The following SLC12A4 variants were observed in gnomAD, a reference collection of about 807,000 sequenced individuals.
SLC12A4 encodes the protein solute carrier family 12 member 4, also known as electroneutral potassium-chloride cotransporter 1.
A neutral mutation model predicts 119.2 loss-of-function variants in SLC12A4; 84 were observed. The ratio of observed to expected loss-of-function variants is 0.70; its 90% CI spans 0.59 to 0.85. The LOEUF (loss-of-function observed/expected upper bound fraction) is 0.85, where lower values mean the gene tolerates loss of function less well. Among genes scored for constraint, SLC12A4 ranks in the 40% least tolerant of loss-of-function variants. The probability of loss-of-function intolerance (pLI) is 0.00; values close to 1 mark genes in which losing one functional copy is unlikely to be tolerated. For synonymous variants in SLC12A4, 599 were observed against 604.6 expected, an observed-to-expected ratio of 0.99 and a Z score of 0.14; for missense variants, 1,298 against 1,476.3, an observed-to-expected ratio of 0.88 and a Z score of 1.98.
At chr16:67,953,988 G>GAAT (rs2030096991) in intron 6 of SLC12A4, 1 of 191,002 alleles carries the variant, frequency 5.2e-6, no homozygotes, top group Non-Finnish European at 1.1e-5. Flanking sequence ...GCAGGGTCCT[G>GAAT]CTGCAGGTAG....
At chr16:67,952,087 G>A in intron 7 of SLC12A4, 50 bp from the exon 8 acceptor site, 1 of 1,608,138 alleles carries the variant, frequency 6.2e-7, no homozygotes. Flanking sequence ...GCCCCTGCCT[G>A]TGCCCACCCT....
rs1220104750 is a variant in SLC12A4, at chr16:67,945,797, C to G, written c.2814G>C (p.Gln938His). Residue 938 changes from glutamine (Q) to histidine (H), a missense_variant, in exon 21 of 24, where the codon CAG (glutamine) becomes CAC (histidine). Transcript: ENST00000316341. ...CCCGCTCAGTCTTGGTCAGTCTCAT[C>G]TGCCGCAGCATCTGCGACCGCTGCT... The part of the protein sequence containing the change: ...MMEQRSQMLR[Q>H]MRLTKTERER... 2 of 1,613,848 alleles carry G rather than the reference C, an allele frequency of 1.2e-6. No individual in the cohort carries two copies. The highest frequency in any genetic ancestry group is 1.7e-6 in the Non-Finnish European group (2 of 1,180,036).
rs1016025444 is a variant in SLC12A4 at position 67,950,000 on chromosome 16, C to T, written c.1630-82G>A. The T allele has an allele frequency of 2.7e-6, 3 of 1,104,548 alleles. No homozygotes were observed. The highest frequency in any genetic ancestry group is 4.1e-6 in the Non-Finnish European group (3 of 734,428). The allele number at this position is 1,104,548 out of a possible 1,614,324, so 68.4% of individuals were successfully genotyped here. The stretch of plus-strand genomic sequence containing the variant: ...CCAGACCCCAGCCTGGCCTCCCTCA[C>T]CCCCAGGGCCCGCCTTGGGGGCTCA... On this transcript the variant is annotated intron_variant, in intron 12 of 23. Transcript: ENST00000316341. This position sits in a 1 kb window ranked among gnomAD's most constrained non-coding sequence, Gnocchi z 4.6.
rs2030968146 is a variant in SLC12A4, at chr16:67,968,555, G to A, written c.-2C>T. On this transcript the variant is annotated 5_prime_UTR_variant, in exon 1 of 24. In the 5' UTR this introduces an upstream ATG that the reference lacks. Transcript: ENST00000316341. ...TGGCACCACGGTGAAGTGAGGCATC[G>A]TGCGGGCTCGGCCCCGCCGCACCCG... The A allele has an allele frequency of 1.3e-6, 2 of 1,543,166 alleles. No homozygotes were observed. The highest frequency in any genetic ancestry group is 2.6e-5 in the East Asian group (1 of 38,314).
At chr16:67,963,926 A>G (rs2030729450) in intron 1 of SLC12A4, 1 of 1,551,204 alleles carries the variant, frequency 6.4e-7, no homozygotes, top group Non-Finnish European at 8.7e-7. Flanking sequence ...GTCTTTCCGG[A>G]GTACCCAATG....
chr16:67,946,176 G>A lies in SLC12A4; in HGVS notation c.2602C>T (p.His868Tyr). 6.2e-7 allele frequency: 1 copy of A among 1,613,928 alleles called. No homozygotes were observed. The highest frequency in any genetic ancestry group is 8.5e-7 in the Non-Finnish European group (1 of 1,180,040). ...GCACCCACCCCCTGGTCTACCTTATGCTGGCGCAGCAGGAAGGGCAGAAGC... is the reference window on the plus strand; with the variant it reads ...GCACCCACCCCCTGGTCTACCTTATACTGGCGCAGCAGGAAGGGCAGAAGC... The part of the protein sequence containing the change: ...LMLLPFLLRQ[H>Y]KVWRKCRMRI... Residue 868 changes from histidine to tyrosine, a missense_variant, in exon 19 of 24, where the codon CAT becomes TAT. By Grantham distance (83) the His-to-Tyr change is moderately conservative. Coordinates refer to ENST00000316341, the MANE Select transcript of SLC12A4 (RefSeq NM_005072.5).
rs1598215265 is a variant in SLC12A4 at position 67,950,216 on chromosome 16, C to G, written c.1629+103G>C. ...ATGGATGGCCGCCTGGCCCCGGGGGCCAATAAGGGCAGGACGTGCTGCATC... is the reference window on the plus strand; with the variant it reads ...ATGGATGGCCGCCTGGCCCCGGGGGGCAATAAGGGCAGGACGTGCTGCATC... On this transcript the variant is annotated intron_variant, in intron 12 of 23. Transcript: ENST00000316341. This position sits in a 1 kb window ranked among gnomAD's most constrained non-coding sequence, Gnocchi z 4.3. 2 of 1,389,650 alleles carry G rather than the reference C, an allele frequency of 1.4e-6. No individual in the cohort carries two copies. Among genetic ancestry groups the G allele is most frequent in the Admixed American group, 4.5e-5 (2 of 44,158 alleles). The allele number at this position is 1,389,650 out of a possible 1,614,324, so 86.1% of individuals were successfully genotyped here. A position where few individuals can be genotyped will look rare whatever the true frequency, so the allele number is the denominator to read the frequency against.
At chr16:67,952,761 C>G (rs2030001355) in intron 6 of SLC12A4, among the ~76,000 whole-genome samples, 1 of 149,632 alleles carries the variant, frequency 6.7e-6, no homozygotes, top group Non-Finnish European at 1.5e-5. Context: ...TGCACTCCAG[C>G]CTGGGTGACA....
chr16:67,953,118 C>T (rs1358360258), intron 6 of SLC12A4, among the ~76,000 whole-genome samples: 3 of 151,550 alleles, frequency 2.0e-5, no homozygotes, highest in Middle Eastern at 3.4e-3. Flanking sequence ...ATGAATAGGC[C>T]GGGCGCAATG....
In SLC12A4 at chr16:67,949,971, G is replaced by A; in HGVS notation, c.1630-53C>T. On this transcript the variant is annotated intron_variant, in intron 12 of 23. Transcript: ENST00000316341. This position sits in a 1 kb window ranked among gnomAD's most constrained non-coding sequence, Gnocchi z 4.6. ...CCTGTCACCCCCATTCCACACCTTG[G>A]GCCCCAGACCCCAGCCTGGCCTCCC... The A allele has an allele frequency of 7.0e-7, 1 of 1,430,176 alleles. No homozygotes were observed. Among genetic ancestry groups the A allele is most frequent in the South Asian group, 1.2e-5 (1 of 86,488 alleles). 88.6% of individuals were successfully genotyped at this position (1,430,176 alleles called of 1,614,324 possible). A position where few individuals can be genotyped will look rare whatever the true frequency, so the allele number is the denominator to read the frequency against.
chr16:67,948,379 G>A (rs920499877), intron 13 of SLC12A4, among the ~76,000 whole-genome samples: 1 of 152,238 alleles, frequency 6.6e-6, no homozygotes, highest in African/African-American at 2.4e-5. Flanking sequence ...GCAAGGGTTT[G>A]CTGTTGGAGG....
intron 3 of SLC12A4, among the ~76,000 whole-genome samples, chr16:67,959,042 G>A (rs2030426124): frequency 6.6e-6 from 1 of 152,280 alleles, no homozygotes; most frequent in East Asian, 1.9e-4. Context: ...CCCAAAAGGT[G>A]CTTCTGAACC....
At chr16:67,956,582 G>A (rs957902199) in intron 5 of SLC12A4, among the ~76,000 whole-genome samples, 1 of 152,004 alleles carries the variant, frequency 6.6e-6, no homozygotes, top group Non-Finnish European at 1.5e-5. Flanking sequence ...GCTGAGGCAT[G>A]AGAATCACTT....
intron 1 of SLC12A4, chr16:67,963,850 T>A: frequency 1.3e-6 from 2 of 1,522,726 alleles, no homozygotes; most frequent in Non-Finnish European, 1.8e-6. Context: ...GGACGGGGCC[T>A]GCAGAGGGGC....
In SLC12A4 at chr16:67,947,121, G is replaced by T. The variant is rs371414397; in HGVS notation, c.2073-16C>A. 4.7e-4 allele frequency: 742 copies of T among 1,569,612 alleles called. No individual in the cohort carries two copies. The highest frequency in any genetic ancestry group is 5.7e-4 in the Non-Finnish European group (663 of 1,161,774). ...CAGCTGCGGCCTGCAGTGGCCGGGT[G>T]GGGGGAGCCTGAGACCAGGGCCGGC... On this transcript the variant is annotated splice_polypyrimidine_tract_variant and intron_variant, in intron 16 of 23. Coordinates refer to ENST00000316341, the MANE Select transcript of SLC12A4 (RefSeq NM_005072.5).
At position 67,944,571 on chromosome 16, in the gene SLC12A4, C is replaced by A. The variant is rs961297280; in HGVS notation, c.*269G>T. On this transcript the variant is annotated 3_prime_UTR_variant, in exon 24 of 24. Coordinates refer to ENST00000316341, the MANE Select transcript of SLC12A4 (RefSeq NM_005072.5). This position sits in a 1 kb window ranked among gnomAD's most constrained non-coding sequence, Gnocchi z 6.6. ...CCGGCTGCCTTCAAACCCCACTCGG[C>A]CCCTACCAGTCTTCTCTGGCCAGGA... The A allele has an allele frequency of 8.4e-6, 11 of 1,313,942 alleles. No individual in the cohort carries two copies. The highest frequency in any genetic ancestry group is 7.4e-5 in the African/African-American group (5 of 67,732). 81.4% of individuals were successfully genotyped at this position (1,313,942 alleles called of 1,614,324 possible).
rs760210315 is a variant in SLC12A4, at chr16:67,946,961, A to G, written c.2217T>C (p.Tyr739=). ...SVIQGSFLES[Y]GEAQAAEQTI... Reference sequence around the variant, plus strand: ...CCTGCTCGGCGGCCTGAGCCTCGCCATAGCTCTCCAAGAAGCTCCCCTGGA... The same window carrying G: ...CCTGCTCGGCGGCCTGAGCCTCGCCGTAGCTCTCCAAGAAGCTCCCCTGGA... Residue 739 remains tyrosine, a synonymous_variant, in exon 17 of 24, where the codon TAT becomes TAC. Coordinates refer to ENST00000316341, the MANE Select transcript of SLC12A4 (RefSeq NM_005072.5). 1 of 1,613,218 alleles carries G rather than the reference A, an allele frequency of 6.2e-7. No homozygotes were observed. The highest frequency in any genetic ancestry group is 8.5e-7 in the Non-Finnish European group (1 of 1,180,010).
Position 67,946,631 on chromosome 16 carries a change from G to A in SLC12A4, c.2244C>T (p.Thr748=), listed in dbSNP as rs1173905609. 1.2e-6 allele frequency: 2 copies of A among 1,611,108 alleles called. No homozygotes were observed. Among genetic ancestry groups the A allele is most frequent in the Non-Finnish European group, 1.7e-6 (2 of 1,178,448 alleles). Residue 748 remains threonine, a splice_region_variant and synonymous_variant, in exon 18 of 24, where the codon ACC becomes ACT. Coordinates refer to ENST00000316341, the MANE Select transcript of SLC12A4 (RefSeq NM_005072.5). Reference sequence around the variant, plus strand: ...TCTCAATTTCCATCATGTTCTTGATGGTCTGTGGGGAACACACCCAGGGCC... The same window carrying A: ...TCTCAATTTCCATCATGTTCTTGATAGTCTGTGGGGAACACACCCAGGGCC... The part of the protein sequence containing the change: ...SYGEAQAAEQ[T]IKNMMEIEKV...
At position 67,964,395 on chromosome 16, in the gene SLC12A4, G is replaced by T. The variant is rs1307522977; in HGVS notation, c.116-836C>A. ...CAATAAGCCTGCCTCAACTCCCAAAGCTCGACTGTTTTTTCTGGCCTCCTA... is the reference window on the plus strand; with the variant it reads ...CAATAAGCCTGCCTCAACTCCCAAATCTCGACTGTTTTTTCTGGCCTCCTA... On this transcript the variant is annotated intron_variant, in intron 1 of 23. Transcript: ENST00000316341. Among the ~76,000 whole-genome samples, 4 of 152,176 alleles carry T rather than the reference G, an allele frequency of 2.6e-5. No individual in the cohort carries two copies. The East Asian group carries it at 7.7e-4, about 29-fold the overall frequency.
Sources: gnomAD v4.1 joint callset for allele counts (sites outside exome capture counted in the v4.1 genomes callset) on GRCh38, gnomAD v4.1.1 for gene constraint, Gnocchi (gnomAD v3.1) non-coding constraint, MANE v1.5 for transcripts, NCBI Gene and HGNC (gene_info 2026-07-23, HGNC 2026-07-21) for gene names.